ZNF248: variants seen among roughly 807,000 people sequenced by gnomAD.
ZNF248 encodes the protein KRAB protein domain.
ZNF248 carries 20 observed loss-of-function variants against 44.3 expected under a neutral mutation model. That is an observed-to-expected ratio of 0.45 (90% confidence interval 0.32 to 0.66). The LOEUF is 0.66. Ranked by LOEUF, ZNF248 falls within the 30% of genes least tolerant of loss-of-function variation. The pLI is 0.04. For synonymous variants in ZNF248, 224 were observed against 229.0 expected (o/e 0.98, Z 0.20); for missense variants, 654 against 677.0 (o/e 0.97, Z 0.38).
At chr10:37,770,344 A>G in the ZNF248 span, among the ~76,000 whole-genome samples, 8 of 152,194 alleles carry the variant, frequency 5.3e-5, no homozygotes, top group East Asian at 5.8e-4. Context: ...GAACAAAGCC[A>G]GAGGCATTAC....
chr10:37,779,418 T>C (rs1309833400), intron 6 of ZNF248, among the ~76,000 whole-genome samples: 1 of 152,098 alleles, frequency 6.6e-6, no homozygotes, highest in Non-Finnish European at 1.5e-5. Flanking sequence ...AAAAACCACA[T>C]GATTATCTCA....
chr10:37,845,549 CA>C (rs2059187643), intron 3 of ZNF248, among the ~76,000 whole-genome samples: 5 of 151,792 alleles, frequency 3.3e-5, no homozygotes, highest in Admixed American at 3.3e-4. Context: ...AAGGAAAAAA[CA>C]AAAACTCAAA....
intron 6 of ZNF248, among the ~76,000 whole-genome samples, chr10:37,823,692 G>C (rs2053877472): frequency 6.6e-6 from 1 of 151,954 alleles, no homozygotes; most frequent in African/African-American, 2.4e-5. Context: ...TTGTGTCTTA[G>C]CCTCCTGAGT....
chr10:37,801,615 T>C (rs538269277), intron 6 of ZNF248, among the ~76,000 whole-genome samples: 2 of 152,232 alleles, frequency 1.3e-5, no homozygotes, highest in Middle Eastern at 3.4e-3. Flanking sequence ...AAAATAGTAA[T>C]TTGTTTACAA....
chr10:37,830,768 C>T lies in ZNF248; in HGVS notation c.*847G>A. 4.7e-6 allele frequency: 1 copy of T among 213,502 alleles called. No homozygotes were observed. The highest frequency in any genetic ancestry group is 8.1e-6 in the Non-Finnish European group (1 of 123,970). The allele number at this position is 213,502 out of a possible 1,614,324, so 13.2% of individuals were successfully genotyped here. On this transcript the variant is annotated 3_prime_UTR_variant, in exon 6 of 6. Coordinates refer to ENST00000395867, the MANE Select transcript of ZNF248 (RefSeq NM_021045.3). ...TGGGAAGAGACAGATGTGCAGTGCA[C>T]ACTATTATACAGTATTTTCATCATA...
In ZNF248 at chr10:37,832,062, T is replaced by TG. The variant is rs1239772707; in HGVS notation, c.1292dup (p.Gly432ArgfsTer6). 1 of 1,614,056 alleles carries TG rather than the reference T, an allele frequency of 6.2e-7. No homozygotes were observed. Among genetic ancestry groups the TG allele is most frequent in the East Asian group, 2.2e-5 (1 of 44,878 alleles). ...GCTTACATTCATAGGGTTTTTCTCCTGTATGTGTTCGCTGATGGTTGGTCA... is the reference window on the plus strand; with the variant it reads ...GCTTACATTCATAGGGTTTTTCTCCTGGTATGTGTTCGCTGATGGTTGGTCA... On this transcript the variant is annotated frameshift_variant, in exon 6 of 6. Coordinates refer to ENST00000395867, the MANE Select transcript of ZNF248 (RefSeq NM_021045.3). LOFTEE classifies it high-confidence loss of function.
At chr10:37,771,834 G>T (rs1242825710), downstream of ZNF248, among the ~76,000 whole-genome samples, 1 of 152,058 alleles carries the variant, frequency 6.6e-6, no homozygotes, top group Admixed American at 6.6e-5. Context: ...GACTAATCAT[G>T]TCATTCTTTC....
At chr10:37,804,908 T>C (rs1347367545) in intron 6 of ZNF248, among the ~76,000 whole-genome samples, 1 of 152,224 alleles carries the variant, frequency 6.6e-6, no homozygotes, top group Non-Finnish European at 1.5e-5. Flanking sequence ...ACATTATTTA[T>C]ACTTTATTTT....
intron 3 of ZNF248, among the ~76,000 whole-genome samples, chr10:37,847,277 A>T (rs962419240): frequency 2.6e-5 from 4 of 152,096 alleles, no homozygotes; most frequent in African/African-American, 9.7e-5. Flanking sequence ...ACAGTGGCTC[A>T]ATCTCAGCCA....
the ZNF248 span, among the ~76,000 whole-genome samples, chr10:37,761,887 C>G: frequency 6.6e-6 from 1 of 152,276 alleles, no homozygotes; most frequent in South Asian, 2.1e-4. Context: ...GGTTAATTTA[C>G]CTGCTAGAGA....
At chr10:37,774,242 C>T (rs985901554), downstream of ZNF248, among the ~76,000 whole-genome samples, 5 of 152,172 alleles carry the variant, frequency 3.3e-5, no homozygotes, top group African/African-American at 1.2e-4. Context: ...GGAGAGAATA[C>T]ATTTCTGTTA....
chr10:37,778,892 G>A (rs551975783), intron 6 of ZNF248, among the ~76,000 whole-genome samples: 5 of 152,138 alleles, frequency 3.3e-5, no homozygotes, highest in South Asian at 4.1e-4. Flanking sequence ...ACACCTCTAC[G>A]CAAATAAACT....
At chr10:37,769,751 T>C in the ZNF248 span, among the ~76,000 whole-genome samples, 3 of 152,130 alleles carry the variant, frequency 2.0e-5, no homozygotes, top group Admixed American at 1.3e-4. Context: ...CTATTCAACA[T>C]AGTGGTGGAA....
At chr10:37,768,921 A>T in the ZNF248 span, among the ~76,000 whole-genome samples, 3 of 152,192 alleles carry the variant, frequency 2.0e-5, no homozygotes, top group Non-Finnish European at 1.5e-5. Flanking sequence ...CAGACGCAAT[A>T]AAAAATGATA....
intron 5 of ZNF248, among the ~76,000 whole-genome samples, chr10:37,834,922 G>A (rs1320655330): frequency 1.3e-5 from 2 of 152,112 alleles, no homozygotes; most frequent in Non-Finnish European, 2.9e-5. Context: ...ATTTAAGACA[G>A]GTAGCAAGGG....
chr10:37,819,782 C>G (rs2053154344), intron 6 of ZNF248: 2 of 782,070 alleles, frequency 2.6e-6, no homozygotes, highest in Non-Finnish European at 4.8e-6. Flanking sequence ...TTTCTGCTCA[C>G]TGGTTGCAGG....
At chr10:37,833,262 TC>T in intron 5 of ZNF248, 146 bp from the exon 6 acceptor site, 1 of 1,222,678 alleles carries the variant, frequency 8.2e-7, no homozygotes, top group Non-Finnish European at 1.1e-6. Context: ...GTGTACATTT[TC>T]TTTACCCTCC....
chr10:37,855,511 A>T (rs1339126701), intron 3 of ZNF248, among the ~76,000 whole-genome samples: 1 of 152,240 alleles, frequency 6.6e-6, no homozygotes, highest in Non-Finnish European at 1.5e-5. Flanking sequence ...ATGGAAATGC[A>T]CGCATAAGCA....
intron 6 of ZNF248, chr10:37,820,506 G>A (rs2053289213): frequency 6.2e-6 from 10 of 1,600,982 alleles, no homozygotes; most frequent in Admixed American, 3.3e-5. Flanking sequence ...GATAAGGAAT[G>A]TTGCGGTGAG....
Sources: allele counts gnomAD v4.1 joint callset (sites outside exome capture counted in the v4.1 genomes callset), GRCh38; gene constraint gnomAD v4.1.1; transcripts MANE v1.5; gene names NCBI Gene and HGNC (gene_info 2026-07-23, HGNC 2026-07-21).